RBM39: variants seen among roughly 807,000 people sequenced by gnomAD.
RBM39 encodes the protein RNA-binding protein 39.
RBM39 carries 12 observed loss-of-function variants against 79.6 expected under a neutral mutation model. The ratio of observed to expected loss-of-function variants is 0.15; its 90% CI spans 0.10 to 0.24. RBM39 has a LOEUF of 0.24. RBM39 is among the 10% of genes least tolerant of loss of function. The pLI, the probability that RBM39 is intolerant of heterozygous loss-of-function variation, is 1.00. For synonymous variants in RBM39, 185 were observed against 208.4 expected, an observed-to-expected ratio of 0.89 and a Z score of 0.97; for missense variants, 243 against 653.4, an observed-to-expected ratio of 0.37 and a Z score of 6.85.
rs748573415 is a variant in RBM39, at chr20:35,740,630, C to G, written c.51+194G>C. ...GAGAGATAGATGGGCATTTATTCAT[C>G]ACGCTGAAGTGAAACTACTGCACAA... On this transcript the variant is annotated intron_variant, in intron 2 of 16. Coordinates refer to ENST00000253363, the MANE Select transcript of RBM39 (RefSeq NM_184234.3). 21 of 1,423,178 alleles carry G rather than the reference C, an allele frequency of 1.5e-5. No individual in the cohort carries two copies. In the South Asian group the frequency reaches 2.5e-4, roughly 17 times the overall value. The allele number at this position is 1,423,178 out of a possible 1,614,324, so 88.2% of individuals were successfully genotyped here.
intron 4 of RBM39, chr20:35,731,318 A>G (rs1368825584): frequency 6.6e-6 from 1 of 152,320 alleles, no homozygotes; most frequent in Non-Finnish European, 1.5e-5. Flanking sequence ...CCAACTTTAA[A>G]TATCCACATC....
chr20:35,738,026 G>T (rs974986817), intron 3 of RBM39, among the ~76,000 whole-genome samples: 1 of 150,788 alleles, frequency 6.6e-6, no homozygotes. Flanking sequence ...GCGTGATGGC[G>T]CGCGCCTGTA....
intron 2 of RBM39, chr20:35,739,262 CTT>C: frequency 3.8e-6 from 2 of 520,072 alleles, no homozygotes; most frequent in Non-Finnish European, 7.0e-6. Flanking sequence ...TTAAATTTTA[CTT>C]TCTTATATAG....
In RBM39 at chr20:35,703,220, T is replaced by C. The variant is rs536864539; in HGVS notation, c.*1261A>G. ...AGCTCAAAACCCCTTAATACAGTAA[T>C]ATATGCACCTTATTTAATATATTAA... On this transcript the variant is annotated 3_prime_UTR_variant, in exon 17 of 17. Transcript: ENST00000253363. The C allele has an allele frequency of 6.6e-6, 1 of 152,278 alleles. No individual in the cohort carries two copies. The highest frequency in any genetic ancestry group is 1.5e-5 in the Non-Finnish European group (1 of 68,022). 9.4% of individuals were successfully genotyped at this position (152,278 alleles called of 1,614,324 possible). A position where few individuals can be genotyped will look rare whatever the true frequency, so the allele number is the denominator to read the frequency against.
intron 2 of RBM39, chr20:35,739,717 A>G (rs1019998913): frequency 3.0e-6 from 1 of 335,226 alleles, no homozygotes; most frequent in Non-Finnish European, 6.0e-6. Flanking sequence ...CTTAACATTA[A>G]AACAGAAAGT....
chr20:35,734,070 T>C lies in RBM39; in HGVS notation c.102-1935A>G, dbSNP rs1354200423. Reference sequence around the variant, plus strand: ...GTATCATTATCTGGATATGTAATTGTTTATTCCTTATCAAAGCAAAGTTAC... The same window carrying C: ...GTATCATTATCTGGATATGTAATTGCTTATTCCTTATCAAAGCAAAGTTAC... On this transcript the variant is annotated intron_variant, in intron 3 of 16. Transcript: ENST00000253363. 2.1e-5 allele frequency: 7 copies of C among 332,998 alleles called. No homozygotes were observed. In the Admixed American group the frequency reaches 3.0e-4, roughly 14 times the overall value. 20.6% of individuals were successfully genotyped at this position (332,998 alleles called of 1,614,324 possible).
chr20:35,709,390 T>C, intron 12 of RBM39, 116 bp from the exon 13 acceptor site: 2 of 851,474 alleles, frequency 2.3e-6, no homozygotes, highest in Non-Finnish European at 3.5e-6. Flanking sequence ...TAGTAAAACC[T>C]GGCAGCAAAA....
At chr20:35,733,305 A>C (rs1331663322) in intron 3 of RBM39, among the ~76,000 whole-genome samples, 1 of 716 alleles carries the variant, frequency 1.4e-3, no homozygotes, top group Non-Finnish European at 0.012. Flanking sequence ...CACCATCTCA[A>C]AAAAAAAAAA....
At chr20:35,741,189 A>C (rs1279312396) in intron 1 of RBM39, among the ~76,000 whole-genome samples, 1 of 150,500 alleles carries the variant, frequency 6.6e-6, no homozygotes. Context: ...GCCTGCCACC[A>C]CGCCCGGCTA....
intron 15 of RBM39, 82 bp downstream of exon 15, chr20:35,705,143 C>G (rs2035563918): frequency 1.2e-6 from 1 of 824,786 alleles, no homozygotes; most frequent in Non-Finnish European, 1.9e-6. Context: ...AGACGGTTAA[C>G]CATAACATGC....
intron 6 of RBM39, among the ~76,000 whole-genome samples, chr20:35,726,785 C>T (rs1237376029): frequency 1.3e-5 from 2 of 151,988 alleles, no homozygotes; most frequent in Non-Finnish European, 2.9e-5. Flanking sequence ...TCAGGATGTA[C>T]GGGGGTTGGG....
chr20:35,704,596 A>G lies in RBM39; in HGVS notation c.1493-15T>C. ...TATCATTTTACCTATTAAAAGAAAC[A>G]GACATGTTGGGTTTAGCATCTTCAT... On this transcript the variant is annotated splice_polypyrimidine_tract_variant and intron_variant, in intron 16 of 16. Transcript: ENST00000253363. The G allele has an allele frequency of 1.2e-6, 2 of 1,611,074 alleles. No individual in the cohort carries two copies. Among genetic ancestry groups the G allele is most frequent in the Non-Finnish European group, 1.7e-6 (2 of 1,177,372 alleles).
chr20:35,717,840 C>T (rs1416623563), intron 9 of RBM39, among the ~76,000 whole-genome samples: 1 of 151,736 alleles, frequency 6.6e-6, no homozygotes, highest in Admixed American at 6.6e-5. Context: ...CAGAGGGAGA[C>T]TCTGTCTCAA....
At chr20:35,729,787 AT>A (rs1434434155) in intron 4 of RBM39, among the ~76,000 whole-genome samples, 1 of 151,700 alleles carries the variant, frequency 6.6e-6, no homozygotes, top group Non-Finnish European at 1.5e-5. Flanking sequence ...GCACACACCC[AT>A]TTTCAGACTT....
chr20:35,707,798 A>C (rs1043678988), intron 13 of RBM39: 10 of 352,050 alleles, frequency 2.8e-5, no homozygotes, highest in Middle Eastern at 3.8e-4. Context: ...AAGAACACTG[A>C]AAAGAGCAGC....
chr20:35,724,764 A>C (rs1412940608), intron 7 of RBM39, 42 bp from the exon 8 acceptor site: 1 of 1,593,968 alleles, frequency 6.3e-7, no homozygotes, highest in East Asian at 2.2e-5. Flanking sequence ...ATCCATTGTA[A>C]CACATGTAGA....
At chr20:35,728,465 T>C (rs939267381) in intron 6 of RBM39, among the ~76,000 whole-genome samples, 4 of 152,134 alleles carry the variant, frequency 2.6e-5, no homozygotes, top group Non-Finnish European at 5.9e-5. Context: ...TTAATTAAAA[T>C]AGGAAAATAA....
At chr20:35,705,092 A>G (rs779496622) in intron 15 of RBM39, 133 bp downstream of exon 15, 35 of 657,902 alleles carry the variant, frequency 5.3e-5, no homozygotes, top group Middle Eastern at 4.0e-4. Context: ...CCACTATATT[A>G]AAGCTACTTT....
chr20:35,737,072 C>T (rs1387118917), intron 3 of RBM39, among the ~76,000 whole-genome samples: 1 of 151,142 alleles, frequency 6.6e-6, no homozygotes, highest in East Asian at 2.0e-4. Context: ...TCCTGGCCAA[C>T]ATCGTGAAAC....
Sources: gnomAD v4.1 joint callset for allele counts (sites outside exome capture counted in the v4.1 genomes callset) on GRCh38, gnomAD v4.1.1 for gene constraint, MANE v1.5 for transcripts, NCBI Gene and HGNC (gene_info 2026-07-23, HGNC 2026-07-21) for gene names.